The following HDX variants were observed in gnomAD, a reference collection of about 807,000 sequenced individuals.
The protein encoded by HDX is highly divergent homeobox, also known as chromosome X open reading frame 43.
HDX carries 19 observed loss-of-function variants against 45.2 expected under a neutral mutation model. That is an observed-to-expected ratio of 0.42 (90% CI 0.29 to 0.62). The LOEUF is 0.62. Among genes scored for constraint, HDX ranks in the 20% least tolerant of loss-of-function variants. HDX has a pLI of 0.20. For missense variants in HDX, 532 were observed against 493.9 expected (o/e 1.08, Z -0.73); for synonymous variants, 188 against 172.8 (o/e 1.09, Z -0.69).
At chrX:84,478,611 T>G (rs1318623761) in intron 2 of HDX, among the ~76,000 whole-genome samples, 1 of 111,958 alleles carries the variant, frequency 8.9e-6, no homozygotes, top group Admixed American at 9.5e-5. Context: ...GATGACGCAT[T>G]TGGAGGCTGA....
intron 5 of HDX, among the ~76,000 whole-genome samples, chrX:84,413,582 A>G (rs533280135): frequency 8.9e-6 from 1 of 111,779 alleles, no homozygotes; most frequent in Non-Finnish European, 1.9e-5. Context: ...TGGGCAAAGC[A>G]CTTTGTAAGG....
intron 5 of HDX, among the ~76,000 whole-genome samples, chrX:84,429,460 T>G (rs749967798): frequency 9.0e-6 from 1 of 111,141 alleles, no homozygotes; most frequent in East Asian, 2.8e-4. Context: ...TTTTTAAAAT[T>G]CAATTTCTGA....
At chrX:84,488,338 C>G (rs1293084235) in intron 1 of HDX, among the ~76,000 whole-genome samples, 1 of 108,869 alleles carries the variant, frequency 9.2e-6, no homozygotes, top group South Asian at 3.9e-4. Flanking sequence ...CACACACACA[C>G]ACACACACAC....
intron 5 of HDX, among the ~76,000 whole-genome samples, chrX:84,436,014 A>T (rs2039621424): frequency 1.1e-5 from 1 of 90,704 alleles, no homozygotes; most frequent in South Asian, 6.0e-4. Context: ...AATAGCAAAG[A>T]CTTGGAACCA....
chrX:84,343,619 T>C (rs775680872), intron 7 of HDX, among the ~76,000 whole-genome samples: 1 of 111,025 alleles, frequency 9.0e-6, no homozygotes, highest in East Asian at 2.8e-4. Flanking sequence ...ACGTGTAAAT[T>C]AAATCTCAAT....
At chrX:84,472,693 G>T (rs966378738) in intron 3 of HDX, among the ~76,000 whole-genome samples, 1 of 110,973 alleles carries the variant, frequency 9.0e-6, no homozygotes, top group Non-Finnish European at 1.9e-5. Flanking sequence ...TTATTTTATG[G>T]CACAGTATAA....
rs745833478 is a variant in HDX, at chrX:84,347,263, T to C, written c.1453-2806A>G. On this transcript the variant is annotated intron_variant, in intron 6 of 10. Transcript: ENST00000373177. Reference sequence around the variant, plus strand: ...TCACTCTGTCACAGTAATGTGATCATAGTTCACTGTAGCCTTGAACTCCTG... The same window carrying C: ...TCACTCTGTCACAGTAATGTGATCACAGTTCACTGTAGCCTTGAACTCCTG... 9.0e-5 allele frequency among the ~76,000 whole-genome samples: 10 copies of C among 110,802 alleles called. No individual in the cohort carries two copies. The East Asian group carries it at 2.9e-3, about 32-fold the overall frequency.
intron 5 of HDX, among the ~76,000 whole-genome samples, chrX:84,370,065 C>T (rs1037282755): frequency 1.8e-5 from 2 of 111,778 alleles, no homozygotes; most frequent in African/African-American, 6.5e-5. Context: ...ATTGCCCTTC[C>T]TAATGTGAAT....
chrX:84,459,770 T>A (rs1382182314), intron 4 of HDX, among the ~76,000 whole-genome samples: 1 of 110,908 alleles, frequency 9.0e-6, no homozygotes, highest in Non-Finnish European at 1.9e-5. Flanking sequence ...TTAAAAAATA[T>A]AAGAAAATTG....
intron 5 of HDX, among the ~76,000 whole-genome samples, chrX:84,376,262 G>A (rs749851295): frequency 2.7e-4 from 30 of 112,541 alleles, no homozygotes; most frequent in African/African-American, 8.7e-4. Context: ...GGTCTTGGGT[G>A]AGCCTCTGAG....
intron 5 of HDX, among the ~76,000 whole-genome samples, chrX:84,372,345 CATGATTAAA>C: frequency 8.9e-6 from 1 of 111,751 alleles, no homozygotes; most frequent in East Asian, 2.8e-4. Context: ...AACTTTAAGA[CATGATTAAA>C]ATAACTTTTT....
chrX:84,489,957 C>T (rs1362481654), intron 1 of HDX, among the ~76,000 whole-genome samples: 1 of 111,948 alleles, frequency 8.9e-6, no homozygotes, highest in Non-Finnish European at 1.9e-5. Flanking sequence ...ATTAAAAATT[C>T]AATTTCTCTA....
intron 6 of HDX, among the ~76,000 whole-genome samples, chrX:84,350,540 G>T (rs1006655667): frequency 9.0e-6 from 1 of 111,651 alleles, no homozygotes; most frequent in Admixed American, 9.5e-5. Context: ...GAATTGCAAT[G>T]TCTCCTTGAT....
intron 1 of HDX, among the ~76,000 whole-genome samples, chrX:84,493,355 T>C (rs1341291055): frequency 8.9e-6 from 1 of 111,912 alleles, no homozygotes; most frequent in Non-Finnish European, 1.9e-5. Context: ...AAGGAGATTT[T>C]AATAAAAACT....
chrX:84,408,067 T>C (rs971963449), intron 5 of HDX, among the ~76,000 whole-genome samples: 3 of 111,950 alleles, frequency 2.7e-5, no homozygotes, highest in African/African-American at 9.7e-5. Flanking sequence ...TTTATCAATT[T>C]TTTGTTTTTG....
At chrX:84,342,518 C>CGT (rs2037108485) in intron 7 of HDX, among the ~76,000 whole-genome samples, 1 of 66,716 alleles carries the variant, frequency 1.5e-5, no homozygotes, top group African/African-American at 6.0e-5. Flanking sequence ...TATGTGTGTG[C>CGT]ATGTGTGTGT....
In HDX at chrX:84,326,180, G is replaced by T; in HGVS notation, c.1945C>A (p.Gln649Lys). 8.3e-7 allele frequency: 1 copy of T among 1,207,982 alleles called. No homozygotes were observed. The highest frequency in any genetic ancestry group is 1.1e-6 in the Non-Finnish European group (1 of 892,599). ...TACTAGTCTTTCCTGGGACCTACCTGCTGTTGTTCCTTATCATCAGCTTTC... is the reference window on the plus strand; with the variant it reads ...TACTAGTCTTTCCTGGGACCTACCTTCTGTTGTTCCTTATCATCAGCTTTC... ...AMKADDKEQQ[Q>K]ALLSDLPPEL... The change falls in exon 10 of 11, where the codon CAG becomes AAG. Residue 649 changes from glutamine to lysine, a missense_variant and splice_region_variant. By Grantham distance (53) the Gln-to-Lys change is moderately conservative (BLOSUM62 1). Around this residue, in one of 3 missense-constraint regions of HDX, gnomAD observed 151 missense variants for 131.8 expected, o/e 1.15. Transcript: ENST00000373177.
intron 5 of HDX, among the ~76,000 whole-genome samples, chrX:84,390,979 C>A (rs1199967966): frequency 8.9e-6 from 1 of 111,978 alleles, no homozygotes; most frequent in Non-Finnish European, 1.9e-5. Context: ...CAAGCCCCAC[C>A]TTCCAGCCTC....
At chrX:84,399,257 C>A (rs6623014) in intron 5 of HDX, among the ~76,000 whole-genome samples, 2,595 of 107,712 alleles carry the variant, frequency 0.024, 39 homozygotes, top group Non-Finnish European at 0.032. Flanking sequence ...AACCCCCCCC[C>A]AAAAAAACAA....
Sources: allele counts gnomAD v4.1 joint callset (sites outside exome capture counted in the v4.1 genomes callset), GRCh38; gene constraint gnomAD v4.1.1; regional missense constraint gnomAD v4.1.1; transcripts MANE v1.5; gene names NCBI Gene and HGNC (gene_info 2026-07-23, HGNC 2026-07-21).